The following UMAD1 variants were observed in gnomAD, a reference collection of about 807,000 sequenced individuals.
The protein encoded by UMAD1 is UBAP1-MVB12-associated (UMA)-domain containing protein 1.
In UMAD1, 8 loss-of-function variants were observed where a neutral mutation model predicts 6.1. That is an observed-to-expected ratio of 1.30 (90% CI 0.76 to 2.35). The LOEUF (loss-of-function observed/expected upper bound fraction) is 2.35. Among genes scored for constraint, UMAD1 ranks in the 30% most tolerant of loss-of-function variants. UMAD1 has a pLI of 0.00. For missense variants in UMAD1, 130 were observed against 78.4 expected (o/e 1.66, Z -2.49); for synonymous variants, 56 against 31.4 (o/e 1.78, Z -2.61).
At chr7:7,838,278 C>A (rs774354609) in intron 3 of UMAD1, among the ~76,000 whole-genome samples, 2 of 152,044 alleles carry the variant, frequency 1.3e-5, no homozygotes, top group Non-Finnish European at 2.9e-5. Flanking sequence ...CAGATTGAGT[C>A]CACAGGGTAT....
intron 2 of UMAD1, among the ~76,000 whole-genome samples, chr7:7,796,598 A>G (rs1419992620): frequency 6.6e-6 from 1 of 151,956 alleles, no homozygotes; most frequent in Non-Finnish European, 1.5e-5. Context: ...GATACTGACC[A>G]TTTGTATCCC....
intron 2 of UMAD1, among the ~76,000 whole-genome samples, chr7:7,778,265 TGTGTGTGTGTGAGAGAGAGA>T (rs1782263864): frequency 9.1e-6 from 1 of 109,404 alleles, no homozygotes; most frequent in African/African-American, 3.1e-5. Flanking sequence ...TGTGTGTGTG[TGTGTGTGTGTGAGAGAGAGA>T]GAGAGAGAGA....
intron 2 of UMAD1, among the ~76,000 whole-genome samples, chr7:7,750,263 A>G (rs1378529640): frequency 2.0e-5 from 3 of 152,182 alleles, no homozygotes; most frequent in Non-Finnish European, 4.4e-5. Flanking sequence ...AAAATTAAAT[A>G]AATTCCTTAA....
intron 3 of UMAD1, among the ~76,000 whole-genome samples, chr7:7,870,588 C>T (rs540489059): frequency 5.9e-5 from 9 of 152,294 alleles, no homozygotes; most frequent in African/African-American, 1.9e-4. Flanking sequence ...GGAACTCATG[C>T]ACCTGTTTAA....
At chr7:7,683,558 A>G (rs372791137) in intron 2 of UMAD1, among the ~76,000 whole-genome samples, 82 of 152,320 alleles carry the variant, frequency 5.4e-4, no homozygotes, top group African/African-American at 1.9e-3. Context: ...AATATATTAA[A>G]TCATTAAATA....
At chr7:7,806,292 A>G (rs2115279276) in intron 3 of UMAD1, among the ~76,000 whole-genome samples, 1 of 151,814 alleles carries the variant, frequency 6.6e-6, no homozygotes. Context: ...AACCTGCACA[A>G]TGCAGCTGAA....
At chr7:7,825,150 G>C (rs185640478) in intron 3 of UMAD1, among the ~76,000 whole-genome samples, 1 of 152,030 alleles carries the variant, frequency 6.6e-6, no homozygotes, top group Non-Finnish European at 1.5e-5. Context: ...GGAGGTGGGC[G>C]CAGGGGGGAG....
chr7:7,831,371 A>G (rs1783463812), intron 3 of UMAD1, among the ~76,000 whole-genome samples: 1 of 152,204 alleles, frequency 6.6e-6, no homozygotes, highest in South Asian at 2.1e-4. Context: ...ATTATCTGAA[A>G]TACTTGATCA....
At chr7:7,742,364 C>T (rs1781488111) in intron 2 of UMAD1, 21 of 597,044 alleles carry the variant, frequency 3.5e-5, no homozygotes, top group South Asian at 2.5e-4. Context: ...GGCGCTCTTC[C>T]GAGGATATCT....
At chr7:7,673,521 A>C in intron 2 of UMAD1, 68 bp downstream of exon 2, 1 of 661,702 alleles carries the variant, frequency 1.5e-6, no homozygotes, top group Non-Finnish European at 2.7e-6. Context: ...CTTGAAAATT[A>C]TATGATTGAT....
At chr7:7,705,786 A>G (rs994360058) in intron 2 of UMAD1, among the ~76,000 whole-genome samples, 3 of 152,188 alleles carry the variant, frequency 2.0e-5, no homozygotes, top group African/African-American at 7.2e-5. Flanking sequence ...AATGTAAAAT[A>G]TGGACTTTGG....
chr7:7,686,972 T>C (rs573161180), intron 2 of UMAD1, among the ~76,000 whole-genome samples: 1 of 152,302 alleles, frequency 6.6e-6, no homozygotes, highest in East Asian at 1.9e-4. Flanking sequence ...CCATGAGAAC[T>C]AGGGTACGTT....
At chr7:7,814,461 A>G (rs971266556) in intron 3 of UMAD1, among the ~76,000 whole-genome samples, 32 of 152,030 alleles carry the variant, frequency 2.1e-4, no homozygotes, top group Non-Finnish European at 4.4e-5. Flanking sequence ...TGAGATATGC[A>G]TCTGCTTGCT....
At chr7:7,813,011 G>A (rs1358167699) in intron 3 of UMAD1, among the ~76,000 whole-genome samples, 1 of 152,010 alleles carries the variant, frequency 6.6e-6, no homozygotes, top group South Asian at 2.1e-4. Flanking sequence ...TAACATGTAG[G>A]TATGCACCTG....
intron 1 of UMAD1, among the ~76,000 whole-genome samples, chr7:7,642,517 T>C (rs1271321682): frequency 1.3e-5 from 2 of 151,990 alleles, no homozygotes; most frequent in African/African-American, 4.8e-5. Context: ...GATGTTAATG[T>C]CGTTGTTTAC....
At chr7:7,681,761 G>A (rs1348857367) in intron 2 of UMAD1, among the ~76,000 whole-genome samples, 2 of 152,032 alleles carry the variant, frequency 1.3e-5, no homozygotes, top group Non-Finnish European at 2.9e-5. Flanking sequence ...GTTTTCTCCT[G>A]TTATGACATG....
chr7:7,678,489 T>TA (rs1162185987), intron 2 of UMAD1, among the ~76,000 whole-genome samples: 4 of 140,964 alleles, frequency 2.8e-5, no homozygotes, highest in South Asian at 2.1e-4. Context: ...AATTTATAGA[T>TA]AATATATATT....
intron 1 of UMAD1, among the ~76,000 whole-genome samples, chr7:7,656,324 T>C (rs557781427): frequency 6.6e-6 from 1 of 152,248 alleles, no homozygotes; most frequent in African/African-American, 2.4e-5. Context: ...ATTTTTTTTT[T>C]GTTTTATTAT....
intron 2 of UMAD1, among the ~76,000 whole-genome samples, chr7:7,679,707 G>A (rs1266028630): frequency 7.8e-6 from 1 of 127,424 alleles, no homozygotes. Context: ...TTAATTTATA[G>A]ATAAATATAT....
Sources: allele counts gnomAD v4.1 joint callset (sites outside exome capture counted in the v4.1 genomes callset), GRCh38; gene constraint gnomAD v4.1.1; transcripts MANE v1.5; gene names NCBI Gene and HGNC (gene_info 2026-07-23, HGNC 2026-07-21).